SCUBE1: variants seen among roughly 807,000 people sequenced by gnomAD.
SCUBE1 encodes the protein signal peptide, CUB domain and EGF like domain containing 1, also known as signal peptide, CUB and EGF-like domain-containing protein 1.
In SCUBE1, 59 loss-of-function variants were observed where a neutral mutation model predicts 124.4. The ratio of observed to expected loss-of-function variants is 0.47; its 90% CI spans 0.38 to 0.59. SCUBE1 has a LOEUF of 0.59. SCUBE1 is among the 20% of genes least tolerant of loss of function. SCUBE1 has a pLI of 0.00. For synonymous variants in SCUBE1, 545 were observed against 550.9 expected (o/e 0.99, Z 0.15); for missense variants, 1,150 against 1,371.2 (o/e 0.84, Z 2.55).
chr22:43,254,857 T>C (rs1233186712), intron 6 of SCUBE1, among the ~76,000 whole-genome samples: 2 of 152,208 alleles, frequency 1.3e-5, no homozygotes, highest in Admixed American at 6.5e-5. Context: ...GAGCAGTGAT[T>C]TCTCCTCTTC....
chr22:43,247,197 T>C (rs1395848603), intron 6 of SCUBE1, among the ~76,000 whole-genome samples: 1 of 152,218 alleles, frequency 6.6e-6, no homozygotes, highest in South Asian at 2.1e-4. Flanking sequence ...GGAAAGTGGC[T>C]GAGCACCTGC....
chr22:43,257,226 G>A (rs1391863831), intron 6 of SCUBE1, among the ~76,000 whole-genome samples: 1 of 152,158 alleles, frequency 6.6e-6, no homozygotes, highest in Non-Finnish European at 1.5e-5. Context: ...CTGGCCTCAT[G>A]GGCTTCTGTC....
chr22:43,320,210 A>T lies in SCUBE1; in HGVS notation c.221-145T>A. 5 of 980,574 alleles carry T rather than the reference A, an allele frequency of 5.1e-6. No homozygotes were observed. The East Asian group carries it at 1.3e-4, about 25-fold the overall frequency. 60.7% of individuals were successfully genotyped at this position (980,574 alleles called of 1,614,324 possible). On this transcript the variant is annotated intron_variant, in intron 2 of 21. Transcript: ENST00000360835. ...GTCCTCCCTGGGAGCTGAGGACTCA[A>T]GTATTATAAAAATGCTAATCATGTG...
At chr22:43,318,060 C>G (rs1030462640) in intron 3 of SCUBE1, among the ~76,000 whole-genome samples, 3 of 152,198 alleles carry the variant, frequency 2.0e-5, no homozygotes, top group African/African-American at 7.2e-5. Context: ...CCTGCCCACA[C>G]CTTGAGTTTG....
intron 4 of SCUBE1, chr22:43,283,387 T>A (rs1252886486): frequency 6.6e-6 from 1 of 152,206 alleles, no homozygotes; most frequent in African/African-American, 2.4e-5. Context: ...CGGCTAGTAC[T>A]CAGCTCACAG....
rs766015545 is a variant in SCUBE1, at chr22:43,223,055, C to A, written c.1327+42G>T. 7 of 1,500,032 alleles carry A rather than the reference C, an allele frequency of 4.7e-6. No homozygotes were observed. In the East Asian group the frequency reaches 7.3e-5, roughly 16 times the overall value. The allele number at this position is 1,500,032 out of a possible 1,614,324, so 92.9% of individuals were successfully genotyped here. ...ATGGTGGGACCCCAGGGAGGAAGAC[C>A]CCCCTGCCACAGCATCCCATCTCAG... On this transcript the variant is annotated intron_variant, in intron 11 of 21. Transcript: ENST00000360835.
intron 6 of SCUBE1, among the ~76,000 whole-genome samples, chr22:43,244,184 C>T (rs1030553619): frequency 1.3e-5 from 2 of 152,196 alleles, no homozygotes; most frequent in Admixed American, 1.3e-4. Context: ...CCCGCCACAC[C>T]CCAGCACGGT....
intron 4 of SCUBE1, among the ~76,000 whole-genome samples, chr22:43,268,828 T>TC (rs1415477210): frequency 6.6e-6 from 1 of 152,072 alleles, no homozygotes; most frequent in Non-Finnish European, 1.5e-5. Context: ...GACACGCTTG[T>TC]GTGTCAGAAA....
chr22:43,296,400 C>T (rs1430803845), intron 3 of SCUBE1, among the ~76,000 whole-genome samples: 4 of 152,202 alleles, frequency 2.6e-5, no homozygotes, highest in East Asian at 3.8e-4. Context: ...GGGAGTGTCC[C>T]GCCTCTGAAT....
At chr22:43,327,737 A>T (rs1486059573) in intron 2 of SCUBE1, among the ~76,000 whole-genome samples, 1 of 152,180 alleles carries the variant, frequency 6.6e-6, no homozygotes, top group Non-Finnish European at 1.5e-5. Flanking sequence ...CAGTGAGCCG[A>T]GATCATGCCA....
intron 6 of SCUBE1, among the ~76,000 whole-genome samples, chr22:43,242,042 T>C (rs1923026867): frequency 6.6e-6 from 1 of 152,196 alleles, no homozygotes; most frequent in African/African-American, 2.4e-5. Flanking sequence ...ACCTCAGCCA[T>C]ATTGTGAGGT....
At chr22:43,324,589 AACAC>A (rs1014326040) in intron 2 of SCUBE1, among the ~76,000 whole-genome samples, 3 of 152,178 alleles carry the variant, frequency 2.0e-5, no homozygotes, top group Non-Finnish European at 4.4e-5. Context: ...TTAAGAGATA[AACAC>A]ACAAACAAAC....
chr22:43,251,457 A>AG (rs1218009637), intron 6 of SCUBE1, among the ~76,000 whole-genome samples: 1 of 152,224 alleles, frequency 6.6e-6, no homozygotes, highest in Non-Finnish European at 1.5e-5. Flanking sequence ...GATGTGCTGA[A>AG]GGACCATGAG....
Position 43,285,838 on chromosome 22 carries a change from C to T in SCUBE1, c.484+5208G>A, listed in dbSNP as rs141779605. The stretch of plus-strand genomic sequence containing the variant: ...GGCCAAATAGGTGCGGGAGCTCAGC[C>T]GATGAATGAGGGACGATGGCCATCT... On this transcript the variant is annotated intron_variant, in intron 4 of 21. Transcript: ENST00000360835. Among the ~76,000 whole-genome samples the T allele has an allele frequency of 7.0e-4, 106 of 152,322 alleles. 1 individual carries two copies. The highest frequency in any genetic ancestry group is 1.2e-4 in the Non-Finnish European group (8 of 68,028).
chr22:43,214,435 G>A (rs556780302), intron 15 of SCUBE1, among the ~76,000 whole-genome samples, 184 bp from the exon 16 acceptor site: 1 of 152,204 alleles, frequency 6.6e-6, no homozygotes, highest in African/African-American at 2.4e-5. Flanking sequence ...GCAGCCATCT[G>A]TGAGGGCCAT....
At chr22:43,291,279 T>C (rs774426272) in intron 3 of SCUBE1, 99 bp from the exon 4 acceptor site, 37 of 1,356,280 alleles carry the variant, frequency 2.7e-5, no homozygotes, top group Non-Finnish European at 3.3e-5. Context: ...TTTCCTCACA[T>C]GGCCCTGAAG....
intron 3 of SCUBE1, among the ~76,000 whole-genome samples, chr22:43,298,354 A>G (rs1382453068): frequency 6.6e-6 from 1 of 152,234 alleles, no homozygotes; most frequent in African/African-American, 2.4e-5. Context: ...CTGATTCCCC[A>G]GCAGGTTGGC....
In SCUBE1 at chr22:43,220,451, T is replaced by G. The variant is rs1163982706; in HGVS notation, c.1686A>C (p.Ser562=). The G allele has an allele frequency of 3.1e-6, 5 of 1,613,634 alleles. No homozygotes were observed. The South Asian group carries it at 5.5e-5, about 18-fold the overall frequency. The part of the protein sequence containing the change: ...FEIETKMEEA[S]DTCEADCLRK... ...CCCCCAGGAGAACCCCTCACCTACC[T>G]GAGGCCTCTTCCATCTTTGTCTCGA... Residue 562 remains serine, a splice_region_variant and synonymous_variant, in exon 14 of 22, where the codon TCA becomes TCC. Coordinates refer to ENST00000360835, the MANE Select transcript of SCUBE1 (RefSeq NM_173050.5).
chr22:43,304,718 T>G (rs1219418263), intron 3 of SCUBE1, among the ~76,000 whole-genome samples: 1 of 152,098 alleles, frequency 6.6e-6, no homozygotes, highest in African/African-American at 2.4e-5. Context: ...CTCTGCTCCC[T>G]GGCCGAGCCC....
Sources: gnomAD v4.1 joint callset for allele counts (sites outside exome capture counted in the v4.1 genomes callset) on GRCh38, gnomAD v4.1.1 for gene constraint, MANE v1.5 for transcripts, NCBI Gene and HGNC (gene_info 2026-07-23, HGNC 2026-07-21) for gene names.